TNRC18: variants seen among roughly 807,000 people sequenced by gnomAD.
TNRC18 encodes trinucleotide repeat-containing gene 18 protein.
TNRC18 carries 69 observed loss-of-function variants against 226.7 expected under a neutral mutation model. The observed-to-expected ratio is 0.30, with a 90% CI of 0.25 to 0.37. The LOEUF (loss-of-function observed/expected upper bound fraction) is 0.37. Ranked by LOEUF, TNRC18 falls within the 10% of genes least tolerant of loss-of-function variation. The pLI is 1.00. For synonymous variants in TNRC18, 2,449 were observed against 1,927.6 expected, an observed-to-expected ratio of 1.27 and a Z score of -7.09; for missense variants, 4,754 against 4,256.6, an observed-to-expected ratio of 1.12 and a Z score of -3.25.
chr7:5,375,946 C>G, intron 9 of TNRC18, 88 bp downstream of exon 9: 1 of 1,326,740 alleles, frequency 7.5e-7, no homozygotes, highest in Admixed American at 2.3e-5. Context: ...CTCCCTGTAA[C>G]TGTCTGGAGA....
Position 5,376,216 on chromosome 7 carries a change from T to A in TNRC18, c.2617A>T (p.Met873Leu). The change falls in exon 9 of 30, where the codon ATG (methionine) becomes TTG (leucine). Residue 873 changes from methionine (M) to leucine (L), a missense_variant. Physicochemically the swap from Met to Leu is conservative, Grantham distance 15. Transcript: ENST00000430969. ...AGGGGCGGTACGGTGGCCCGCTCCA[T>A]CAGCTCCGCTGCAGGGACAGAGACA... Reference protein sequence around the residue: ...SDHLPHFAELMERATVPPLWP... With the variant: ...SDHLPHFAELLERATVPPLWP... The A allele has an allele frequency of 6.7e-7, 1 of 1,500,196 alleles. No individual in the cohort carries two copies. Among genetic ancestry groups the A allele is most frequent in the Non-Finnish European group, 8.9e-7 (1 of 1,128,220 alleles). The allele number at this position is 1,500,196 out of a possible 1,614,324, so 92.9% of individuals were successfully genotyped here.
Position 5,389,094 on chromosome 7 carries a change from CCTGGGTCAGGTCCACCACGCCCCGTGG to C in TNRC18, c.703_729del (p.Pro235_Gln243del). 1 of 1,299,100 alleles carries C rather than the reference CCTGGGTCAGGTCCACCACGCCCCGTGG, an allele frequency of 7.7e-7. No homozygotes were observed. Among genetic ancestry groups the C allele is most frequent in the Non-Finnish European group, 9.8e-7 (1 of 1,019,406 alleles). 80.5% of individuals were successfully genotyped at this position (1,299,100 alleles called of 1,614,324 possible). On this transcript the variant is annotated inframe_deletion, in exon 5 of 30. Transcript: ENST00000430969. ...TCCTGGCGGCCCTCGGCGCGCGCCT[CCTGGGTCAGGTCCACCACGCCCCGTGG>C]CCCCGAGGCCTCCTCGCCCCGGGCG...
At chr7:5,408,455 C>T (rs1781626699) in intron 2 of TNRC18, among the ~76,000 whole-genome samples, 1 of 151,998 alleles carries the variant, frequency 6.6e-6, no homozygotes, top group East Asian at 1.9e-4. Context: ...TGAGACCAGC[C>T]GGGCCAACAT....
At chr7:5,402,565 T>C (rs937878592) in intron 2 of TNRC18, among the ~76,000 whole-genome samples, 7 of 150,038 alleles carry the variant, frequency 4.7e-5, no homozygotes, top group African/African-American at 1.7e-4. Context: ...GAAAATAATA[T>C]TTATGCGGCT....
Position 5,376,851 on chromosome 7 carries a change from G to C in TNRC18, c.2604C>G (p.His868Gln), listed in dbSNP as rs1779014578. Residue 868 changes from histidine (H) to glutamine (Q), a missense_variant, in exon 8 of 30, where the codon CAC (histidine) becomes CAG (glutamine). Physicochemically the swap from His to Gln is conservative, Grantham distance 24. Coordinates refer to ENST00000430969, the MANE Select transcript of TNRC18 (RefSeq NM_001080495.3). ...CCACATAGAAGGTCCACTTACCAAAGTGAGGAAGGTGATCACTGGGAATGA... is the reference window on the plus strand; with the variant it reads ...CCACATAGAAGGTCCACTTACCAAACTGAGGAAGGTGATCACTGGGAATGA... ...LVVIPSDHLP[H>Q]FAELMERATV... is the part of the protein sequence containing the mutation. 6.2e-7 allele frequency: 1 copy of C among 1,611,138 alleles called. No homozygotes were observed. The highest frequency in any genetic ancestry group is 1.7e-5 in the Admixed American group (1 of 59,646).
chr7:5,312,960 G>A lies in TNRC18; in HGVS notation c.7931C>T (p.Ser2644Phe), dbSNP rs1787395459. Residue 2644 changes from serine to phenylalanine, a missense_variant, in exon 27 of 30, where the codon TCT becomes TTT. Ser to Phe is a radical substitution (Grantham distance 155). Coordinates refer to ENST00000430969, the MANE Select transcript of TNRC18 (RefSeq NM_001080495.3). The surrounding 1 kb of genome is among the most constrained non-coding windows in gnomAD (Gnocchi z 6.3). ...GGAGGAGGAAGAGGAGGAAGACGAA[G>A]AGGAAGAGGAGGAGGAGGAAGAGGA... ...SSSSSSSSSS[S>F]SSSSSSSSSS... The A allele has an allele frequency of 8.1e-7, 1 of 1,235,950 alleles. No individual in the cohort carries two copies. Among genetic ancestry groups the A allele is most frequent in the Non-Finnish European group, 1.1e-6 (1 of 885,312 alleles). 76.6% of individuals were successfully genotyped at this position (1,235,950 alleles called of 1,614,324 possible).
intron 1 of TNRC18, chr7:5,423,056 TC>T (rs1782672641): frequency 6.6e-6 from 1 of 152,258 alleles, no homozygotes; most frequent in South Asian, 2.1e-4. Flanking sequence ...TCCTTACTTT[TC>T]TCCCCCTCTT....
chr7:5,387,028 C>T (rs898708345), intron 5 of TNRC18, among the ~76,000 whole-genome samples: 1 of 152,032 alleles, frequency 6.6e-6, no homozygotes, highest in South Asian at 2.1e-4. Flanking sequence ...GAGCTGAGAT[C>T]GTGCCATTGG....
At chr7:5,339,084 G>C (rs1790408977) in intron 18 of TNRC18, among the ~76,000 whole-genome samples, 1 of 151,830 alleles carries the variant, frequency 6.6e-6, no homozygotes, top group Admixed American at 6.6e-5. Context: ...GATCACTTGA[G>C]ATCAGGAGTT....
At chr7:5,391,492 G>A (rs1363867106) in intron 3 of TNRC18, among the ~76,000 whole-genome samples, 1 of 151,780 alleles carries the variant, frequency 6.6e-6, no homozygotes, top group Admixed American at 6.6e-5. Context: ...TGTATTTTTA[G>A]TAGAGATGGG....
intron 19 of TNRC18, among the ~76,000 whole-genome samples, chr7:5,327,718 G>A (rs1046003139): frequency 5.9e-5 from 9 of 151,954 alleles, no homozygotes; most frequent in Non-Finnish European, 1.2e-4. Flanking sequence ...GAAAACCCAC[G>A]GCTGGGTGCC....
chr7:5,348,776 G>GGGGC (rs1194337847), intron 17 of TNRC18, among the ~76,000 whole-genome samples: 1 of 152,154 alleles, frequency 6.6e-6, no homozygotes, highest in African/African-American at 2.4e-5. Flanking sequence ...CAGGCAGGCG[G>GGGGC]GGGCAGGCAG....
intron 2 of TNRC18, among the ~76,000 whole-genome samples, chr7:5,396,359 A>G (rs1780691513): frequency 6.6e-6 from 1 of 152,088 alleles, no homozygotes; most frequent in African/African-American, 2.4e-5. Flanking sequence ...AAAAAAAACA[A>G]TATAATGATA....
chr7:5,347,952 C>CA (rs1791374473), intron 17 of TNRC18, among the ~76,000 whole-genome samples: 1 of 152,060 alleles, frequency 6.6e-6, no homozygotes, highest in African/African-American at 2.4e-5. Context: ...GACTCCGTCT[C>CA]AAAAAATAAT....
intron 2 of TNRC18, among the ~76,000 whole-genome samples, chr7:5,406,954 C>G (rs1443497888): frequency 6.6e-6 from 1 of 152,186 alleles, no homozygotes; most frequent in African/African-American, 2.4e-5. Flanking sequence ...CACCTCCCTG[C>G]CAGCCCCCAG....
chr7:5,342,506 G>A (rs2128136530), intron 18 of TNRC18, among the ~76,000 whole-genome samples: 1 of 152,234 alleles, frequency 6.6e-6, no homozygotes, highest in East Asian at 1.9e-4. Context: ...CTTCACTGGA[G>A]GAAGTTACTG....
At chr7:5,355,828 T>C (rs909964985) in intron 16 of TNRC18, among the ~76,000 whole-genome samples, 1 of 152,034 alleles carries the variant, frequency 6.6e-6, no homozygotes, top group Non-Finnish European at 1.5e-5. Context: ...CAGTGAGTTA[T>C]GATGGCCCCA....
chr7:5,403,129 G>A (rs1030921611), intron 2 of TNRC18, among the ~76,000 whole-genome samples: 14 of 150,826 alleles, frequency 9.3e-5, no homozygotes, highest in Non-Finnish European at 4.4e-5. Flanking sequence ...ATCCCAGACA[G>A]CCCTTCATAA....
At chr7:5,405,395 C>T (rs1444609174) in intron 2 of TNRC18, among the ~76,000 whole-genome samples, 5 of 152,086 alleles carry the variant, frequency 3.3e-5, no homozygotes, top group Non-Finnish European at 7.3e-5. Flanking sequence ...ATGGTAAAAC[C>T]CTGTCTCTAC....
Sources: allele counts gnomAD v4.1 joint callset (sites outside exome capture counted in the v4.1 genomes callset), GRCh38; gene constraint gnomAD v4.1.1; non-coding constraint Gnocchi (gnomAD v3.1); transcripts MANE v1.5; gene names NCBI Gene and HGNC (gene_info 2026-07-23, HGNC 2026-07-21).